The following HMCN2 variants were observed in gnomAD, a reference collection of about 807,000 sequenced individuals.
HMCN2 encodes the protein hemicentin-2.
HMCN2 carries 325 observed loss-of-function variants against 377.5 expected under a neutral mutation model. That is an observed-to-expected ratio of 0.86 (90% CI 0.79 to 0.94). The LOEUF is 0.94. Ranked by LOEUF, HMCN2 falls within the 40% of genes least tolerant of loss-of-function variation. The pLI is 0.00. For synonymous variants in HMCN2, 2,007 were observed against 2,046.8 expected, an observed-to-expected ratio of 0.98 and a Z score of 0.53; for missense variants, 4,543 against 4,725.3, an observed-to-expected ratio of 0.96 and a Z score of 1.13.
At position 130,422,471 on chromosome 9, in the gene HMCN2, C is replaced by A; in HGVS notation, c.13232-106C>A. 1 of 857,746 alleles carries A rather than the reference C, an allele frequency of 1.2e-6. No homozygotes were observed. The highest frequency in any genetic ancestry group is 1.6e-6 in the Non-Finnish European group (1 of 637,224). The allele number at this position is 857,746 out of a possible 1,614,324, so 53.1% of individuals were successfully genotyped here. On this transcript the variant is annotated intron_variant, in intron 86 of 97. Coordinates refer to ENST00000683500, the MANE Select transcript of HMCN2 (RefSeq NM_001291815.2). The surrounding 1 kb of genome is among the most constrained non-coding windows in gnomAD (Gnocchi z 4.2). Reference sequence around the variant, plus strand: ...CCTTGGACAAGTGGAGGTGAACTCTCCGAGCCTCCATTTACTCCTTCACGA... The same window carrying A: ...CCTTGGACAAGTGGAGGTGAACTCTACGAGCCTCCATTTACTCCTTCACGA...
chr9:130,379,729 C>A (rs1841598884), intron 54 of HMCN2, among the ~76,000 whole-genome samples: 1 of 152,248 alleles, frequency 6.6e-6, no homozygotes, highest in Admixed American at 6.5e-5. Context: ...GAAGCTGCCA[C>A]TTTCTCTGCA....
At chr9:130,338,451 G>C (rs1838874170) in intron 23 of HMCN2, 1 of 152,290 alleles carries the variant, frequency 6.6e-6, no homozygotes, top group Non-Finnish European at 1.5e-5. Flanking sequence ...CCTCCTGCTG[G>C]GAGCATCTTA....
In HMCN2 at chr9:130,365,620, C is replaced by T; in HGVS notation, c.6409-11C>T. The T allele has an allele frequency of 1.0e-6, 1 of 985,102 alleles. No homozygotes were observed. Among genetic ancestry groups the T allele is most frequent in the Non-Finnish European group, 1.2e-6 (1 of 829,204 alleles). 61.0% of individuals were successfully genotyped at this position (985,102 alleles called of 1,614,324 possible). On this transcript the variant is annotated splice_polypyrimidine_tract_variant and intron_variant, in intron 41 of 97. Coordinates refer to ENST00000683500, the MANE Select transcript of HMCN2 (RefSeq NM_001291815.2). ...CGTCCCCTCCCATGGGGTGTCTTTG[C>T]TCTCTGCCAGGTGGACAGAGCCGAT...
chr9:130,323,119 C>A (rs924315406), intron 19 of HMCN2, among the ~76,000 whole-genome samples: 4 of 152,144 alleles, frequency 2.6e-5, no homozygotes, highest in Admixed American at 6.5e-5. Context: ...AGTTTCACCC[C>A]CTAACTTCCC....
chr9:130,347,625 C>G lies in HMCN2; in HGVS notation c.4024+265C>G, dbSNP rs1839455928. Among the ~76,000 whole-genome samples the G allele has an allele frequency of 2.6e-5, 4 of 152,128 alleles. No homozygotes were observed. Among genetic ancestry groups the G allele is most frequent in the South Asian group, 2.1e-4 (1 of 4,816 alleles). ...AGAGTGGCAGGTTGCACTGTACACC[C>G]CACTTCCCTAGAGAGACCCCCACGG... On this transcript the variant is annotated intron_variant, in intron 26 of 97. Transcript: ENST00000683500. The surrounding 1 kb of genome is among the most constrained non-coding windows in gnomAD (Gnocchi z 5.1).
At chr9:130,405,197 CA>C (rs1325012856) in intron 81 of HMCN2, 138 bp downstream of exon 81, 1 of 532,058 alleles carries the variant, frequency 1.9e-6, no homozygotes, top group Non-Finnish European at 2.7e-6. Flanking sequence ...TACAGACAGC[CA>C]GAACTGAGGC....
At position 130,433,617 on chromosome 9, in the gene HMCN2, T is replaced by C. The variant is rs1392869080; in HGVS notation, c.15164T>C (p.Leu5055Pro). 1 of 1,520,540 alleles carries C rather than the reference T, an allele frequency of 6.6e-7. No homozygotes were observed. The highest frequency in any genetic ancestry group is 8.8e-7 in the Non-Finnish European group (1 of 1,134,912). 94.2% of individuals were successfully genotyped at this position (1,520,540 alleles called of 1,614,324 possible). A position where few individuals can be genotyped will look rare whatever the true frequency, so the allele number is the denominator to read the frequency against. ...CTCACCCGCGCCGGCCTCTACCGGC[T>C]CACCGTGCGTGCTGCGGCACCGCGC... Reference protein sequence around the residue: ...RALTRAGLYRLTVRAAAPRHQ... With the variant: ...RALTRAGLYRPTVRAAAPRHQ... Residue 5055 changes from leucine (L) to proline (P), a missense_variant, in exon 98 of 98, where the codon CTC (leucine) becomes CCC (proline). Coordinates refer to ENST00000683500, the MANE Select transcript of HMCN2 (RefSeq NM_001291815.2).
At chr9:130,429,349 C>T in intron 93 of HMCN2, 1 of 621,230 alleles carries the variant, frequency 1.6e-6, no homozygotes, top group Admixed American at 3.0e-5. Flanking sequence ...CTTTCAGCCC[C>T]TTCCTTTCTC....
chr9:130,272,479 G>T (rs1272166055), intron 1 of HMCN2, among the ~76,000 whole-genome samples: 2 of 124,352 alleles, frequency 1.6e-5, no homozygotes, highest in Non-Finnish European at 4.0e-5. Flanking sequence ...GACCTCAAAG[G>T]ATCCTCCTGC....
At chr9:130,429,962 A>G (rs1457902912) in intron 94 of HMCN2, 6 of 609,576 alleles carry the variant, frequency 9.8e-6, no homozygotes, top group Non-Finnish European at 1.7e-5. Flanking sequence ...GAGGGGGAGG[A>G]CTGTGGAGGC....
intron 83 of HMCN2, among the ~76,000 whole-genome samples, chr9:130,408,393 C>T (rs180893197): frequency 5.6e-4 from 85 of 152,296 alleles, no homozygotes; most frequent in East Asian, 3.5e-3. Flanking sequence ...GCAGGTACTC[C>T]GCTGCTAGTG....
chr9:130,367,489 G>C (rs770791074), intron 43 of HMCN2, among the ~76,000 whole-genome samples: 4 of 152,136 alleles, frequency 2.6e-5, no homozygotes, highest in African/African-American at 4.8e-5. Context: ...CCAGTAGGTC[G>C]AGGTTGACAA....
rs751516845 is a variant in HMCN2 at position 130,391,970 on chromosome 9, G to C, written c.9988G>C (p.Gly3330Arg). The change falls in exon 66 of 98, where the codon GGG (glycine) becomes CGG (arginine). Residue 3330 changes from glycine (G) to arginine (R), a missense_variant. Around this residue, in one of 5 missense-constraint regions of HMCN2, gnomAD observed 1,073 missense variants for 1,319.5 expected, o/e 0.81. Coordinates refer to ENST00000683500, the MANE Select transcript of HMCN2 (RefSeq NM_001291815.2). ...CATCAAGCAGGGAGCAGACGGCTCGGGGACCCTGGTGAGCAGGCCTGGGGA... is the reference window on the plus strand; with the variant it reads ...CATCAAGCAGGGAGCAGACGGCTCGCGGACCCTGGTGAGCAGGCCTGGGGA... ...PTIKQGADGS[G>R]TLVSRPGELV... The C allele has an allele frequency of 1.3e-5, 13 of 988,296 alleles. No individual in the cohort carries two copies. The highest frequency in any genetic ancestry group is 1.6e-5 in the Non-Finnish European group (13 of 830,308). 61.2% of individuals were successfully genotyped at this position (988,296 alleles called of 1,614,324 possible). A position where few individuals can be genotyped will look rare whatever the true frequency, so the allele number is the denominator to read the frequency against.
intron 85 of HMCN2, among the ~76,000 whole-genome samples, chr9:130,412,598 A>G (rs13292623): frequency 0.44 from 55,817 of 128,128 alleles, 11,288 homozygotes; most frequent in Middle Eastern, 0.6. Context: ...TATTTTTGGG[A>G]CAGAGTCTCA....
Position 130,418,898 on chromosome 9 carries a change from T to C in HMCN2, c.13088T>C (p.Leu4363Ser), listed in dbSNP as rs1843833557. The change falls in exon 86 of 98, where the codon TTG becomes TCG. Residue 4363 changes from leucine to serine, a missense_variant. Coordinates refer to ENST00000683500, the MANE Select transcript of HMCN2 (RefSeq NM_001291815.2). ...TIEWLQAGQP[L>S]RASRRLRTLP... ...GAATGGCTACAGGCGGGTCAACCCT[T>C]GCGGGCCAGCCGGCGGCTCCGGACC... The C allele has an allele frequency of 9.7e-6, 15 of 1,549,634 alleles. No individual in the cohort carries two copies. Among genetic ancestry groups the C allele is most frequent in the Non-Finnish European group, 1.2e-5 (14 of 1,146,422 alleles).
chr9:130,327,175 C>T (rs1332311849), intron 21 of HMCN2, 135 bp from the exon 22 acceptor site: 1 of 152,252 alleles, frequency 6.6e-6, no homozygotes, highest in Non-Finnish European at 1.5e-5. Context: ...CAGCCATATC[C>T]ACCTTCTGGA....
Position 130,368,436 on chromosome 9 carries a change from C to T in HMCN2, c.6786C>T (p.His2262=), listed in dbSNP as rs1172165900. ...GCCAGGACCTGCAGCTGGAGGTGCA[C>T]GGTGGGTGAGCTGGGCGGGGGCTGG... The part of the protein sequence containing the change: ...NSSQDLQLEV[H]VPPQIAGPRE... Residue 2262 remains histidine (H), a splice_region_variant and synonymous_variant, in exon 44 of 98, where the codon CAC becomes CAT. Coordinates refer to ENST00000683500, the MANE Select transcript of HMCN2 (RefSeq NM_001291815.2). The T allele has an allele frequency of 2.4e-5, 24 of 985,898 alleles. No homozygotes were observed. The highest frequency in any genetic ancestry group is 1.1e-4 in the East Asian group (1 of 8,808). 61.1% of individuals were successfully genotyped at this position (985,898 alleles called of 1,614,324 possible). A position where few individuals can be genotyped will look rare whatever the true frequency, so the allele number is the denominator to read the frequency against.
Position 130,433,736 on chromosome 9 carries a change from G to T in HMCN2, c.*43G>T. On this transcript the variant is annotated 3_prime_UTR_variant, in exon 98 of 98. Coordinates refer to ENST00000683500, the MANE Select transcript of HMCN2 (RefSeq NM_001291815.2). ...CGGCCGCCCTGGCGTGACCCCCGAG[G>T]AAGGGGTCGAGGAGAAGCTTGGTCC... is the stretch of plus-strand genomic sequence containing the variant. 1 of 1,370,146 alleles carries T rather than the reference G, an allele frequency of 7.3e-7. No homozygotes were observed. The highest frequency in any genetic ancestry group is 9.5e-7 in the Non-Finnish European group (1 of 1,047,346). 84.9% of individuals were successfully genotyped at this position (1,370,146 alleles called of 1,614,324 possible). A position where few individuals can be genotyped will look rare whatever the true frequency, so the allele number is the denominator to read the frequency against.
intron 7 of HMCN2, among the ~76,000 whole-genome samples, chr9:130,297,439 T>C (rs1018543584): frequency 6.6e-6 from 1 of 152,202 alleles, no homozygotes; most frequent in Admixed American, 6.5e-5. Context: ...TGGTGCGGGC[T>C]GCCTGAGCTC....
Sources: gnomAD v4.1 joint callset for allele counts (sites outside exome capture counted in the v4.1 genomes callset) on GRCh38, gnomAD v4.1.1 for gene constraint, gnomAD v4.1.1 regional missense constraint, Gnocchi (gnomAD v3.1) non-coding constraint, MANE v1.5 for transcripts, NCBI Gene and HGNC (gene_info 2026-07-23, HGNC 2026-07-21) for gene names.